CA10: variants seen among roughly 807,000 people sequenced by gnomAD.
CA10 encodes carbonic anhydrase 10 (inactive), also known as carbonic anhydrase-related protein 10.
Under a neutral mutation model 44.2 loss-of-function variants are expected in CA10, and 14 were observed. The ratio of observed to expected loss-of-function variants is 0.32; its 90% CI spans 0.21 to 0.50. CA10 has a LOEUF of 0.50. CA10 is among the 20% of genes least tolerant of loss of function. CA10 has a pLI of 0.99. For missense variants in CA10, 350 were observed against 409.7 expected (o/e 0.85, Z 1.26); for synonymous variants, 159 against 141.6 (o/e 1.12, Z -0.87).
intron 1 of CA10, among the ~76,000 whole-genome samples, chr17:52,102,506 T>C (rs1392054111): frequency 6.6e-6 from 1 of 152,162 alleles, no homozygotes. Context: ...AATGCCAACA[T>C]TAAGAAACAT....
chr17:51,864,654 G>A (rs1284633613), intron 3 of CA10, among the ~76,000 whole-genome samples: 1 of 152,216 alleles, frequency 6.6e-6, no homozygotes, highest in Non-Finnish European at 1.5e-5. Context: ...AAAACACTGT[G>A]TAAGAAAATC....
chr17:51,630,978 T>C lies in CA10; in HGVS notation c.*606A>G, dbSNP rs1912545596. ...TAGCTCTTCAATGTCTGTCCTTTTT[T>C]TCTTTGTAAATTGTTGAGTAAACAG... On this transcript the variant is annotated 3_prime_UTR_variant, in exon 9 of 9. Coordinates refer to ENST00000451037, the MANE Select transcript of CA10 (RefSeq NM_020178.5). 6.5e-6 allele frequency: 1 copy of C among 153,382 alleles called. No individual in the cohort carries two copies. Among genetic ancestry groups the C allele is most frequent in the Non-Finnish European group, 1.5e-5 (1 of 68,604 alleles). The allele number at this position is 153,382 out of a possible 1,614,324, so 9.5% of individuals were successfully genotyped here.
intron 2 of CA10, among the ~76,000 whole-genome samples, chr17:51,991,367 G>A (rs1385955072): frequency 6.6e-6 from 1 of 152,098 alleles, no homozygotes; most frequent in Non-Finnish European, 1.5e-5. Flanking sequence ...TATTTCAGAT[G>A]TATTTCTTGC....
chr17:51,878,808 C>G (rs1980204488), intron 3 of CA10, among the ~76,000 whole-genome samples: 1 of 118,792 alleles, frequency 8.4e-6, no homozygotes, highest in South Asian at 2.8e-4. Flanking sequence ...CCAAGGAACT[C>G]TTTTTCAATT....
chr17:51,787,399 A>T (rs1048628985), intron 3 of CA10, among the ~76,000 whole-genome samples: 6 of 152,178 alleles, frequency 3.9e-5, no homozygotes, highest in Non-Finnish European at 7.3e-5. Flanking sequence ...CATTTCTCCT[A>T]GATTATCCAA....
chr17:51,981,162 A>G (rs1053055165), intron 2 of CA10, among the ~76,000 whole-genome samples: 1 of 152,096 alleles, frequency 6.6e-6, no homozygotes, highest in South Asian at 2.1e-4. Context: ...CAGCCTTTTC[A>G]CTGTTAAATA....
intron 4 of CA10, among the ~76,000 whole-genome samples, chr17:51,739,145 T>C (rs970174081): frequency 2.0e-5 from 3 of 152,136 alleles, no homozygotes; most frequent in Admixed American, 1.3e-4. Context: ...TGGCCACTGA[T>C]AGTATCAGAG....
chr17:51,937,756 T>C (rs73987317), intron 2 of CA10, among the ~76,000 whole-genome samples: 12,581 of 152,184 alleles, frequency 0.083, 563 homozygotes, highest in African/African-American at 0.1. Flanking sequence ...ATAGATGTTA[T>C]AATAAGGGTA....
intron 2 of CA10, among the ~76,000 whole-genome samples, chr17:51,994,331 C>T (rs1389136672): frequency 6.6e-6 from 1 of 151,922 alleles, no homozygotes; most frequent in East Asian, 1.9e-4. Context: ...GTATTAAGAC[C>T]CTACATGGTA....
chr17:51,930,225 C>A (rs932509824), intron 3 of CA10, among the ~76,000 whole-genome samples: 21 of 74,456 alleles, frequency 2.8e-4, no homozygotes, highest in African/African-American at 9.7e-4. Context: ...TTTTCCATTT[C>A]TCTTAACAAT....
At chr17:51,845,747 T>C (rs1482297249) in intron 3 of CA10, among the ~76,000 whole-genome samples, 1 of 152,226 alleles carries the variant, frequency 6.6e-6, no homozygotes, top group Non-Finnish European at 1.5e-5. Context: ...AAAGTGGGCT[T>C]CTTTCTTGCA....
intron 1 of CA10, among the ~76,000 whole-genome samples, chr17:52,127,641 G>A (rs1989148470): frequency 1.3e-5 from 2 of 152,154 alleles, no homozygotes; most frequent in African/African-American, 4.8e-5. Flanking sequence ...CTAGCTCTCT[G>A]AGGGTTATGA....
At chr17:51,949,537 G>T (rs137964441) in intron 2 of CA10, among the ~76,000 whole-genome samples, 29 of 152,228 alleles carry the variant, frequency 1.9e-4, no homozygotes, top group African/African-American at 6.7e-4. Flanking sequence ...TTTCCACTTA[G>T]AGCTGTGTGG....
intron 3 of CA10, among the ~76,000 whole-genome samples, chr17:51,760,284 G>A (rs1449905975): frequency 3.9e-5 from 6 of 152,192 alleles, no homozygotes; most frequent in African/African-American, 7.2e-5. Context: ...TTGCTCATTC[G>A]TCATTTCATT....
intron 3 of CA10, among the ~76,000 whole-genome samples, chr17:51,786,208 G>GTGTA: frequency 9.2e-6 from 1 of 108,994 alleles, no homozygotes; most frequent in African/African-American, 3.0e-5. Flanking sequence ...TAACATCTTT[G>GTGTA]TGTGTCTGTG....
intron 3 of CA10, among the ~76,000 whole-genome samples, chr17:51,797,145 GC>G (rs975147924): frequency 3.3e-5 from 5 of 152,156 alleles, no homozygotes; most frequent in African/African-American, 1.2e-4. Context: ...AGAGAGGCAG[GC>G]AGCCTTGTCA....
chr17:51,788,765 C>T (rs752491275), intron 3 of CA10, among the ~76,000 whole-genome samples: 3 of 152,150 alleles, frequency 2.0e-5, no homozygotes, highest in African/African-American at 7.2e-5. Flanking sequence ...TGAATAGACA[C>T]AGATTAAAGT....
At position 51,635,981 on chromosome 17, in the gene CA10, A is replaced by G. The variant is rs752179032; in HGVS notation, c.663T>C (p.Asn221=). ...KNDAYLLQGL[N]IEELYPETSS... ...AGGTCTCTGGATATAGTTCCTCTAT[A>G]TTAAGCCCCTGTAGTAAATATGCAT... The change falls in exon 7 of 9, where the codon AAT becomes AAC. Residue 221 remains asparagine (N), a synonymous_variant. Transcript: ENST00000451037. 2.5e-6 allele frequency: 4 copies of G among 1,596,608 alleles called. No individual in the cohort carries two copies. The highest frequency in any genetic ancestry group is 1.7e-4 in the Middle Eastern group (1 of 5,984).
Position 51,691,402 on chromosome 17 carries a change from C to T in CA10, c.466-37666G>A, listed in dbSNP as rs147841884. ...GAGAACTGTCTGTTCCAATCCTTTGCCCATTTTTAAATCAGGTGTTTTTAC... is the reference window on the plus strand; with the variant it reads ...GAGAACTGTCTGTTCCAATCCTTTGTCCATTTTTAAATCAGGTGTTTTTAC... On this transcript the variant is annotated intron_variant, in intron 4 of 8. Coordinates refer to ENST00000451037, the MANE Select transcript of CA10 (RefSeq NM_020178.5). Among the ~76,000 whole-genome samples the T allele has an allele frequency of 1.2e-3, 176 of 152,250 alleles. 1 individual carries two copies. The highest frequency in any genetic ancestry group is 2.0e-3 in the Non-Finnish European group (135 of 68,004).
Sources: gnomAD v4.1 joint callset for allele counts (sites outside exome capture counted in the v4.1 genomes callset) on GRCh38, gnomAD v4.1.1 for gene constraint, MANE v1.5 for transcripts, NCBI Gene and HGNC (gene_info 2026-07-23, HGNC 2026-07-21) for gene names.